LONP2: variants seen among roughly 807,000 people sequenced by gnomAD.
LONP2 encodes the protein lon protease homolog 2, peroxisomal.
A neutral mutation model predicts 85.6 loss-of-function variants in LONP2; 60 were observed. That is an observed-to-expected ratio of 0.70 (90% CI 0.57 to 0.87). The LOEUF is 0.87. LONP2 is among the 40% of genes least tolerant of loss of function. The pLI is 0.00. For synonymous variants in LONP2, 395 were observed against 389.7 expected (o/e 1.01, Z -0.16); for missense variants, 860 against 1,063.5 (o/e 0.81, Z 2.66).
chr16:48,259,738 T>A (rs1971836928), intron 4 of LONP2, among the ~76,000 whole-genome samples: 1 of 152,186 alleles, frequency 6.6e-6, no homozygotes, highest in Non-Finnish European at 1.5e-5. Flanking sequence ...ATGCTGGCGA[T>A]TAGTACTCCA....
intron 11 of LONP2, among the ~76,000 whole-genome samples, chr16:48,331,230 C>T (rs982702735): frequency 1.3e-5 from 2 of 152,178 alleles, no homozygotes; most frequent in Admixed American, 1.3e-4. Flanking sequence ...CTTTCTTTTC[C>T]ACTCTGAGAT....
At chr16:48,284,865 T>A (rs13330082) in intron 8 of LONP2, among the ~76,000 whole-genome samples, 2,601 of 152,222 alleles carry the variant, frequency 0.017, 90 homozygotes, top group African/African-American at 0.06. Context: ...CTGTAATTAC[T>A]GCTTTATGCC....
In LONP2 at chr16:48,357,338, G is replaced by C. The variant is rs920525214; in HGVS notation, c.*5536G>C. On this transcript the variant is annotated 3_prime_UTR_variant, in exon 15 of 15. Transcript: ENST00000285737. Reference sequence around the variant, plus strand: ...TGGTGCCATTTTTAGATAAACGTACGTTTCTTTTGGTAAATTCAGGTTAGG... The same window carrying C: ...TGGTGCCATTTTTAGATAAACGTACCTTTCTTTTGGTAAATTCAGGTTAGG... The C allele has an allele frequency of 6.6e-6, 1 of 152,142 alleles. No individual in the cohort carries two copies. Among genetic ancestry groups the C allele is most frequent in the East Asian group, 1.9e-4 (1 of 5,202 alleles). The allele number at this position is 152,142 out of a possible 1,614,324, so 9.4% of individuals were successfully genotyped here. A position where few individuals can be genotyped will look rare whatever the true frequency, so the allele number is the denominator to read the frequency against.
intron 11 of LONP2, among the ~76,000 whole-genome samples, chr16:48,324,663 C>G (rs1439568095): frequency 1.3e-5 from 2 of 152,124 alleles, no homozygotes; most frequent in Non-Finnish European, 2.9e-5. Flanking sequence ...AATTACATAG[C>G]CGAAATTTGG....
At position 48,344,514 on chromosome 16, in the gene LONP2, A is replaced by G. The variant is rs565923663; in HGVS notation, c.1939-2993A>G. On this transcript the variant is annotated intron_variant, in intron 12 of 14. Coordinates refer to ENST00000285737, the MANE Select transcript of LONP2 (RefSeq NM_031490.5). ...CCATACGTGGTTATCTACACCACCA[A>G]CTGTTCCAATTAACAATTTACCAGT... 3.9e-5 allele frequency: 6 copies of G among 152,314 alleles called. No homozygotes were observed. In the East Asian group the frequency reaches 1.2e-3, roughly 29 times the overall value. The allele number at this position is 152,314 out of a possible 1,614,324, so 9.4% of individuals were successfully genotyped here. A position where few individuals can be genotyped will look rare whatever the true frequency, so the allele number is the denominator to read the frequency against.
chr16:48,351,845 C>T lies in LONP2; in HGVS notation c.*43C>T. On this transcript the variant is annotated 3_prime_UTR_variant, in exon 15 of 15. Coordinates refer to ENST00000285737, the MANE Select transcript of LONP2 (RefSeq NM_031490.5). ...TTAGAATTTTAAGTTATGAAGTGCT[C>T]AAAGGTACTGACACAGTTGATTTTA... 6.7e-7 allele frequency: 1 copy of T among 1,496,792 alleles called. No individual in the cohort carries two copies. 92.7% of individuals were successfully genotyped at this position (1,496,792 alleles called of 1,614,324 possible). A position where few individuals can be genotyped will look rare whatever the true frequency, so the allele number is the denominator to read the frequency against.
intron 8 of LONP2, among the ~76,000 whole-genome samples, chr16:48,289,650 C>T (rs941950233): frequency 6.6e-6 from 1 of 152,216 alleles, no homozygotes; most frequent in African/African-American, 2.4e-5. Context: ...GAGGACACCA[C>T]AGGCAGCCTT....
chr16:48,292,770 G>A (rs546203843), intron 8 of LONP2, among the ~76,000 whole-genome samples: 7 of 152,286 alleles, frequency 4.6e-5, no homozygotes, highest in South Asian at 4.1e-4. Flanking sequence ...TCTGCATGTC[G>A]CTTTCCTTTT....
At chr16:48,260,854 T>A (rs1971860460) in intron 4 of LONP2, among the ~76,000 whole-genome samples, 1 of 152,198 alleles carries the variant, frequency 6.6e-6, no homozygotes, top group South Asian at 2.1e-4. Flanking sequence ...ATCTGGTGGT[T>A]ATAGCCACTT....
chr16:48,320,103 T>A (rs897715960), intron 11 of LONP2, among the ~76,000 whole-genome samples: 4 of 141,684 alleles, frequency 2.8e-5, no homozygotes, highest in Non-Finnish European at 6.0e-5. Context: ...GAGGTTGCAG[T>A]GAGCCGAGAT....
chr16:48,285,766 G>A (rs908457554), intron 8 of LONP2, among the ~76,000 whole-genome samples: 1 of 151,994 alleles, frequency 6.6e-6, no homozygotes, highest in East Asian at 1.9e-4. Context: ...CTTTAGACAT[G>A]ATTTCCTTTA....
chr16:48,276,457 C>T (rs1030060809), intron 7 of LONP2, among the ~76,000 whole-genome samples: 10 of 152,192 alleles, frequency 6.6e-5, no homozygotes, highest in African/African-American at 2.2e-4. Context: ...ATTTGCTTTG[C>T]ACAACATAGA....
intron 11 of LONP2, among the ~76,000 whole-genome samples, chr16:48,316,977 T>C (rs534518279): frequency 1.1e-3 from 166 of 152,352 alleles, no homozygotes; most frequent in African/African-American, 3.7e-3. Flanking sequence ...CCTGTCACTC[T>C]GTCCTGTCAA....
chr16:48,296,463 C>T (rs929214485), intron 9 of LONP2, among the ~76,000 whole-genome samples: 1 of 152,160 alleles, frequency 6.6e-6, no homozygotes, highest in Non-Finnish European at 1.5e-5. Context: ...TGTGGTGGCT[C>T]ACACCTGTCA....
At chr16:48,289,285 C>T (rs567570966) in intron 8 of LONP2, among the ~76,000 whole-genome samples, 1 of 152,244 alleles carries the variant, frequency 6.6e-6, no homozygotes, top group East Asian at 1.9e-4. Flanking sequence ...CAGAGCACAG[C>T]TTGATTTTAT....
At chr16:48,335,277 T>C (rs1959610745) in intron 12 of LONP2, among the ~76,000 whole-genome samples, 1 of 152,214 alleles carries the variant, frequency 6.6e-6, no homozygotes, top group Non-Finnish European at 1.5e-5. Context: ...AGCTTCAGAC[T>C]GTGCTAGTGC....
intron 11 of LONP2, among the ~76,000 whole-genome samples, chr16:48,322,296 G>C (rs1248671960): frequency 6.6e-6 from 1 of 152,078 alleles, no homozygotes; most frequent in Non-Finnish European, 1.5e-5. Flanking sequence ...TGGCATAAAT[G>C]GGTTAATATC....
intron 7 of LONP2, among the ~76,000 whole-genome samples, chr16:48,271,985 G>C (rs1972115361): frequency 6.6e-6 from 1 of 152,214 alleles, no homozygotes; most frequent in African/African-American, 2.4e-5. Context: ...TACAGAGTAA[G>C]TATTTGATGG....
intron 11 of LONP2, among the ~76,000 whole-genome samples, chr16:48,316,832 G>T (rs983061620): frequency 6.6e-6 from 1 of 151,862 alleles, no homozygotes. Flanking sequence ...TTGATTTCTA[G>T]TTTTTTGTTC....
Sources: gnomAD v4.1 joint callset for allele counts (sites outside exome capture counted in the v4.1 genomes callset) on GRCh38, gnomAD v4.1.1 for gene constraint, MANE v1.5 for transcripts, NCBI Gene and HGNC (gene_info 2026-07-23, HGNC 2026-07-21) for gene names.